CCDC148: variants seen among roughly 807,000 people sequenced by gnomAD.
CCDC148 encodes coiled-coil domain-containing protein 148.
CCDC148 carries 89 observed loss-of-function variants against 85.7 expected under a neutral mutation model. The observed-to-expected ratio is 1.04, with a 90% CI of 0.87 to 1.24. CCDC148 has a LOEUF of 1.24. Among genes scored for constraint, CCDC148 ranks in the 50% most tolerant of loss-of-function variants. The probability of loss-of-function intolerance (pLI) is 0.00; values close to 1 mark genes in which losing one functional copy is unlikely to be tolerated. For synonymous variants in CCDC148, 230 were observed against 213.9 expected (o/e 1.08, Z -0.66); for missense variants, 692 against 671.7 (o/e 1.03, Z -0.33).
intron 11 of CCDC148, among the ~76,000 whole-genome samples, chr2:158,185,875 A>C (rs763622308): frequency 3.3e-5 from 5 of 152,084 alleles, no homozygotes; most frequent in Non-Finnish European, 5.9e-5. Flanking sequence ...AAAAATAATA[A>C]ACGGACAAAA....
intron 1 of CCDC148, among the ~76,000 whole-genome samples, chr2:158,388,876 A>C (rs1038987876): frequency 6.6e-6 from 1 of 152,206 alleles, no homozygotes; most frequent in Non-Finnish European, 1.5e-5. Context: ...AAAACTTCTT[A>C]GAAGACATCT....
intron 10 of CCDC148, among the ~76,000 whole-genome samples, chr2:158,225,501 C>A (rs996017387): frequency 6.6e-6 from 1 of 152,308 alleles, no homozygotes; most frequent in South Asian, 2.1e-4. Flanking sequence ...ACAGAATATA[C>A]ATTCTTCTCA....
chr2:158,377,445 C>T (rs1027822329), intron 1 of CCDC148, among the ~76,000 whole-genome samples: 5 of 151,968 alleles, frequency 3.3e-5, no homozygotes, highest in Non-Finnish European at 5.9e-5. Flanking sequence ...TTGTTACTGG[C>T]AGTCAAAAAC....
chr2:158,320,250 C>T lies in CCDC148; in HGVS notation c.765-6356G>A, dbSNP rs904547405. 4.6e-5 allele frequency among the ~76,000 whole-genome samples: 7 copies of T among 152,236 alleles called. No homozygotes were observed. In the East Asian group the frequency reaches 7.7e-4, roughly 17 times the overall value. On this transcript the variant is annotated intron_variant, in intron 7 of 13. Transcript: ENST00000283233. ...ATCTCAAACCAACCATAAGTAATCACTAAGAAATTATAAGAATGAATTAAA... is the reference window on the plus strand; with the variant it reads ...ATCTCAAACCAACCATAAGTAATCATTAAGAAATTATAAGAATGAATTAAA...
At chr2:158,388,648 C>A (rs1192992377) in intron 1 of CCDC148, among the ~76,000 whole-genome samples, 1 of 152,066 alleles carries the variant, frequency 6.6e-6, no homozygotes, top group Non-Finnish European at 1.5e-5. Flanking sequence ...GTGCCCGCCA[C>A]AATGCTCGGA....
In CCDC148 at chr2:158,340,593, C is replaced by A. The variant is rs755786737; in HGVS notation, c.334+5G>T. On this transcript the variant is annotated splice_donor_5th_base_variant and intron_variant, in intron 4 of 13. Coordinates refer to ENST00000283233, the MANE Select transcript of CCDC148 (RefSeq NM_138803.4). ...CCTTTAAATATAGGATCAAAAAAATCTTACCAAAATTTGTAAGGTCACAAA... is the reference window on the plus strand; with the variant it reads ...CCTTTAAATATAGGATCAAAAAAATATTACCAAAATTTGTAAGGTCACAAA... 2 of 1,572,870 alleles carry A rather than the reference C, an allele frequency of 1.3e-6. No individual in the cohort carries two copies. The highest frequency in any genetic ancestry group is 1.2e-5 in the South Asian group (1 of 84,950).
intron 10 of CCDC148, among the ~76,000 whole-genome samples, chr2:158,231,636 T>C (rs183351279): frequency 4.6e-5 from 7 of 152,288 alleles, no homozygotes; most frequent in Non-Finnish European, 8.8e-5. Flanking sequence ...TTCTAAGGCA[T>C]TATTTGTGTA....
intron 8 of CCDC148, among the ~76,000 whole-genome samples, chr2:158,313,512 C>A (rs1280810272): frequency 6.6e-6 from 1 of 152,212 alleles, no homozygotes; most frequent in Non-Finnish European, 1.5e-5. Context: ...GTGAAGATCT[C>A]CGCAGCAAGT....
intron 1 of CCDC148, among the ~76,000 whole-genome samples, chr2:158,407,653 A>G (rs1686083594): frequency 1.3e-5 from 2 of 152,216 alleles, no homozygotes; most frequent in Non-Finnish European, 2.9e-5. Context: ...GCAAGGCTAA[A>G]ATACTTAGTA....
chr2:158,341,355 G>A (rs1419659045), intron 3 of CCDC148, among the ~76,000 whole-genome samples: 4 of 148,970 alleles, frequency 2.7e-5, no homozygotes, highest in Non-Finnish European at 3.0e-5. Flanking sequence ...CGCCCAGGCT[G>A]GAGTGCAGTG....
At chr2:158,411,631 A>G (rs1472275094) in intron 1 of CCDC148, among the ~76,000 whole-genome samples, 2 of 152,110 alleles carry the variant, frequency 1.3e-5, no homozygotes, top group East Asian at 1.9e-4. Flanking sequence ...GTTGCACATC[A>G]AGCTTTTTTA....
rs184206719 is a variant in CCDC148, at chr2:158,366,048, T to G, written c.26-7478A>C. 5 of 1,542,852 alleles carry G rather than the reference T, an allele frequency of 3.2e-6. No homozygotes were observed. The East Asian group carries it at 1.2e-4, about 38-fold the overall frequency. ...CATTTCTCTGAATTGTCATGAATGG[T>G]TGGTCTCTTTGATTCATGTTTTCCG... On this transcript the variant is annotated intron_variant, in intron 1 of 13. Coordinates refer to ENST00000283233, the MANE Select transcript of CCDC148 (RefSeq NM_138803.4).
chr2:158,426,674 C>T (rs374909098), intron 1 of CCDC148, among the ~76,000 whole-genome samples: 2 of 152,054 alleles, frequency 1.3e-5, no homozygotes, highest in Non-Finnish European at 2.9e-5. Flanking sequence ...CACATGTGTC[C>T]GCATGCAGAG....
intron 11 of CCDC148, 129 bp downstream of exon 11, chr2:158,220,466 G>T: frequency 3.1e-6 from 2 of 640,200 alleles, no homozygotes; most frequent in Non-Finnish European, 2.7e-6. Context: ...GTATTCATTT[G>T]TGAATATAAA....
intron 2 of CCDC148, among the ~76,000 whole-genome samples, chr2:158,357,398 A>G (rs1449611559): frequency 2.0e-5 from 3 of 152,144 alleles, no homozygotes; most frequent in Non-Finnish European, 4.4e-5. Flanking sequence ...TTAAAAGATT[A>G]TGTGATAGAC....
chr2:158,372,597 T>C (rs749899278), intron 1 of CCDC148, among the ~76,000 whole-genome samples: 9 of 152,000 alleles, frequency 5.9e-5, no homozygotes, highest in Non-Finnish European at 4.4e-5. Flanking sequence ...TTCCCCTTGG[T>C]CCCTTTTACG....
intron 10 of CCDC148, among the ~76,000 whole-genome samples, chr2:158,239,703 G>A (rs1688267258): frequency 6.6e-6 from 1 of 151,966 alleles, no homozygotes; most frequent in African/African-American, 2.4e-5. Flanking sequence ...TATTTCTTCT[G>A]CATAATTAAA....
intron 4 of CCDC148, 60 bp downstream of exon 4, chr2:158,340,538 G>A (rs1216900961): frequency 3.6e-6 from 5 of 1,384,032 alleles, no homozygotes; most frequent in Non-Finnish European, 5.0e-6. Flanking sequence ...GAAGTGAGTG[G>A]CCCATTCTCA....
At chr2:158,453,556 T>C (rs1688488349) in intron 1 of CCDC148, among the ~76,000 whole-genome samples, 1 of 152,150 alleles carries the variant, frequency 6.6e-6, no homozygotes, top group South Asian at 2.1e-4. Flanking sequence ...ATTATCAGTA[T>C]TGGCGTACTT....
Sources: gnomAD v4.1 joint callset for allele counts (sites outside exome capture counted in the v4.1 genomes callset) on GRCh38, gnomAD v4.1.1 for gene constraint, MANE v1.5 for transcripts, NCBI Gene and HGNC (gene_info 2026-07-23, HGNC 2026-07-21) for gene names.